HEPACAM2: variants seen among roughly 807,000 people sequenced by gnomAD.
HEPACAM2 encodes HEPACAM family member 2.
A neutral mutation model predicts 49.6 loss-of-function variants in HEPACAM2; 49 were observed. The observed-to-expected ratio is 0.99, with a 90% CI of 0.78 to 1.25. HEPACAM2 has a LOEUF of 1.25. Among genes scored for constraint, HEPACAM2 ranks in the 50% most tolerant of loss-of-function variants. The pLI is 0.00. For missense variants in HEPACAM2, 525 were observed against 557.2 expected (o/e 0.94, Z 0.58); for synonymous variants, 197 against 202.9 (o/e 0.97, Z 0.25).
At chr7:93,219,590 G>C (rs1794405721) in intron 1 of HEPACAM2, 139 bp from the exon 2 acceptor site, 2 of 1,443,124 alleles carry the variant, frequency 1.4e-6, no homozygotes, top group South Asian at 2.8e-5. Flanking sequence ...TTCTAGTACT[G>C]GTTACATATA....
intron 9 of HEPACAM2, 64 bp from the exon 10 acceptor site, chr7:93,189,334 G>T (rs17165143): frequency 0.052 from 64,343 of 1,240,806 alleles, 2,077 homozygotes; most frequent in East Asian, 0.16. Flanking sequence ...GCAGGTAAAA[G>T]AACTTTAAAT....
At chr7:93,215,291 T>C (rs1794273068) in intron 3 of HEPACAM2, 110 bp downstream of exon 3, 5 of 951,886 alleles carry the variant, frequency 5.3e-6, no homozygotes, top group South Asian at 3.3e-5. Flanking sequence ...ACTACAATAA[T>C]GGTAAAAAGC....
upstream of HEPACAM2, chr7:93,226,670 G>C (rs1362357160): frequency 1.0e-5 from 4 of 390,106 alleles, no homozygotes; most frequent in Non-Finnish European, 1.8e-5. Context: ...GCAACTACCA[G>C]TAATTGTCTA....
Position 93,215,315 on chromosome 7 carries a change from G to A in HEPACAM2, c.715+86C>T, listed in dbSNP as rs910204305. Reference sequence around the variant, plus strand: ...ATGGTAAAAAGCCAAATGACATCTGGTACTTATATTCTCTGTGACTATCCT... The same window carrying A: ...ATGGTAAAAAGCCAAATGACATCTGATACTTATATTCTCTGTGACTATCCT... On this transcript the variant is annotated intron_variant, in intron 3 of 9. Transcript: ENST00000394468. The A allele has an allele frequency of 4.9e-5, 62 of 1,257,158 alleles. 1 individual carries two copies. In the African/African-American group the frequency reaches 8.6e-4, roughly 17 times the overall value. 77.9% of individuals were successfully genotyped at this position (1,257,158 alleles called of 1,614,324 possible).
At chr7:93,207,741 T>C (rs954082967) in intron 4 of HEPACAM2, among the ~76,000 whole-genome samples, 17 of 151,814 alleles carry the variant, frequency 1.1e-4, no homozygotes, top group African/African-American at 4.1e-4. Flanking sequence ...GAAGATGGTT[T>C]AGTTTTGATA....
At chr7:93,205,060 ACTGCACTTTGGC>A (rs1204666908) in intron 4 of HEPACAM2, among the ~76,000 whole-genome samples, 2 of 151,716 alleles carry the variant, frequency 1.3e-5, no homozygotes, top group African/African-American at 4.8e-5. Flanking sequence ...AGATTGTGCC[ACTGCACTTTGGC>A]CTGAGCAACA....
upstream of HEPACAM2, among the ~76,000 whole-genome samples, chr7:93,228,154 G>A (rs1393930694): frequency 6.6e-6 from 1 of 151,988 alleles, no homozygotes; most frequent in African/African-American, 2.4e-5. Context: ...GAAGTTTGTT[G>A]GGTCCCTGGC....
At chr7:93,196,011 A>G in intron 7 of HEPACAM2, 110 bp from the exon 8 acceptor site, 1 of 729,732 alleles carries the variant, frequency 1.4e-6, no homozygotes. Flanking sequence ...GTATAGGTAC[A>G]AAATGAATTT....
At chr7:93,220,064 G>C (rs1419585016) in intron 1 of HEPACAM2, among the ~76,000 whole-genome samples, 1 of 152,178 alleles carries the variant, frequency 6.6e-6, no homozygotes, top group Non-Finnish European at 1.5e-5. Context: ...GGTACAGATG[G>C]AGCACAGTGG....
At chr7:93,206,218 C>T (rs1008546675) in intron 4 of HEPACAM2, among the ~76,000 whole-genome samples, 5 of 152,010 alleles carry the variant, frequency 3.3e-5, no homozygotes, top group Non-Finnish European at 7.4e-5. Context: ...ATTTTATGTG[C>T]TTAATTATGG....
the HEPACAM2 span, chr7:93,232,285 G>T: frequency 1.8e-6 from 1 of 569,018 alleles, no homozygotes; most frequent in South Asian, 2.0e-5. Context: ...TTAGTTCATC[G>T]TTGCTACCGC....
At chr7:93,201,902 A>G (rs1290875597) in intron 4 of HEPACAM2, among the ~76,000 whole-genome samples, 4 of 152,020 alleles carry the variant, frequency 2.6e-5, no homozygotes, top group Non-Finnish European at 5.9e-5. Context: ...TGGAAGCCCA[A>G]CAAAATTTAA....
chr7:93,218,282 G>C (rs182622323), intron 2 of HEPACAM2, among the ~76,000 whole-genome samples: 1 of 152,124 alleles, frequency 6.6e-6, no homozygotes, highest in Non-Finnish European at 1.5e-5. Context: ...TAGAAGCAGG[G>C]AGAGTAGGTG....
Position 93,215,681 on chromosome 7 carries a change from A to G in HEPACAM2, c.435T>C (p.Pro145=). ...GAATCTGCACCACTGGCTTTGTGAC[A>G]GGATCTGCAATATTAAGAGAGATAT... The part of the protein sequence containing the change: ...SQKIQVTVDD[P]VTKPVVQIHP... The change falls in exon 3 of 10, where the codon CCT becomes CCC. Residue 145 remains proline (P), a synonymous_variant. Transcript: ENST00000394468. 1 of 1,612,490 alleles carries G rather than the reference A, an allele frequency of 6.2e-7. No homozygotes were observed.
At chr7:93,225,918 T>G (rs1794530090) in intron 1 of HEPACAM2, 1 of 1,441,804 alleles carries the variant, frequency 6.9e-7, no homozygotes, top group Non-Finnish European at 9.3e-7. Context: ...GACAGATAAC[T>G]TAAAACGAAG....
At chr7:93,202,328 C>T (rs1411758003) in intron 4 of HEPACAM2, among the ~76,000 whole-genome samples, 2 of 151,662 alleles carry the variant, frequency 1.3e-5, no homozygotes, top group Non-Finnish European at 2.9e-5. Flanking sequence ...AAAATTCATA[C>T]CATTTACAGT....
intron 1 of HEPACAM2, 46 bp from the exon 2 acceptor site, chr7:93,219,497 C>T (rs1262527350): frequency 1.9e-6 from 3 of 1,610,728 alleles, no homozygotes; most frequent in Non-Finnish European, 2.5e-6. Flanking sequence ...AGCCACATTT[C>T]ACAATCTAAA....
At chr7:93,231,929 G>T in the HEPACAM2 span, among the ~76,000 whole-genome samples, 1 of 152,066 alleles carries the variant, frequency 6.6e-6, no homozygotes, top group South Asian at 2.1e-4. Flanking sequence ...GAGTTCTCAG[G>T]TTACCCCTCA....
Position 93,208,726 on chromosome 7 carries a change from GTAT to G in HEPACAM2, c.863_865del (p.Asn288del). ...AGGCCCATGCTTAATGATATATGTA[GTAT>G]TGTCAGTCCTCCTAATCCAGGAGTA... is the stretch of plus-strand genomic sequence containing the variant. On this transcript the variant is annotated inframe_deletion, in exon 4 of 10. Coordinates refer to ENST00000394468, the MANE Select transcript of HEPACAM2 (RefSeq NM_001039372.4). 1.2e-6 allele frequency: 2 copies of G among 1,613,162 alleles called. No homozygotes were observed. Among genetic ancestry groups the G allele is most frequent in the Non-Finnish European group, 1.7e-6 (2 of 1,179,462 alleles).
Sources: gnomAD v4.1 joint callset for allele counts (sites outside exome capture counted in the v4.1 genomes callset) on GRCh38, gnomAD v4.1.1 for gene constraint, MANE v1.5 for transcripts, NCBI Gene and HGNC (gene_info 2026-07-23, HGNC 2026-07-21) for gene names.